Variants in TMEM74 observed in about 807,000 individuals in gnomAD.
TMEM74 encodes transmembrane protein 74.
TMEM74 carries 13 observed loss-of-function variants against 18.1 expected under a neutral mutation model. That is an observed-to-expected ratio of 0.72 (90% CI 0.47 to 1.14). TMEM74 has a LOEUF of 1.14. Among genes scored for constraint, TMEM74 ranks in the 50% most tolerant of loss-of-function variants. TMEM74 has a pLI of 0.00. For synonymous variants in TMEM74, 159 were observed against 146.6 expected (o/e 1.08, Z -0.61); for missense variants, 372 against 375.9 (o/e 0.99, Z 0.09).
At chr8:108,704,893 C>T (rs1586267484) in intron 1 of TMEM74, among the ~76,000 whole-genome samples, 2 of 152,170 alleles carry the variant, frequency 1.3e-5, no homozygotes, top group East Asian at 3.8e-4. Flanking sequence ...TTCTAACATG[C>T]CTGTTCCATG....
At chr8:108,659,961 G>A (rs1812884013) in intron 1 of TMEM74, among the ~76,000 whole-genome samples, 1 of 152,140 alleles carries the variant, frequency 6.6e-6, no homozygotes, top group Non-Finnish European at 1.5e-5. Flanking sequence ...ATGCTACCCA[G>A]AGCTCCTGAG....
chr8:108,692,637 T>C (rs780997010), intron 1 of TMEM74, among the ~76,000 whole-genome samples: 14 of 152,136 alleles, frequency 9.2e-5, no homozygotes, highest in Non-Finnish European at 1.3e-4. Flanking sequence ...AGAATATCAA[T>C]AGTACTCTGA....
chr8:108,696,489 T>A (rs948990805), intron 1 of TMEM74, among the ~76,000 whole-genome samples: 33 of 152,256 alleles, frequency 2.2e-4, no homozygotes, highest in African/African-American at 7.7e-4. Context: ...ACTGAGTGCC[T>A]GCTAGGTGTG....
At chr8:108,774,010 A>G (rs1472605816), downstream of TMEM74, among the ~76,000 whole-genome samples, 2 of 152,192 alleles carry the variant, frequency 1.3e-5, no homozygotes, top group Non-Finnish European at 2.9e-5. Context: ...TATACACGAA[A>G]TGTGATCTAA....
At chr8:108,744,387 G>A (rs897538468) in intron 1 of TMEM74, among the ~76,000 whole-genome samples, 5 of 152,112 alleles carry the variant, frequency 3.3e-5, no homozygotes, top group African/African-American at 7.2e-5. Flanking sequence ...GGGTGCCTCC[G>A]GGAAAAACAC....
At chr8:108,611,366 A>G (rs1002956741) in intron 2 of TMEM74, among the ~76,000 whole-genome samples, 2 of 152,226 alleles carry the variant, frequency 1.3e-5, no homozygotes, top group Admixed American at 6.5e-5. Context: ...CTAGGGTACA[A>G]GAAGATACAA....
intron 2 of TMEM74, among the ~76,000 whole-genome samples, chr8:108,647,087 G>A (rs1022522705): frequency 6.6e-6 from 1 of 152,094 alleles, no homozygotes; most frequent in Admixed American, 6.6e-5. Context: ...GGAGTGGTCT[G>A]CTTACTCATG....
intron 1 of TMEM74, among the ~76,000 whole-genome samples, chr8:108,683,462 A>T (rs1310698121): frequency 3.3e-5 from 5 of 151,874 alleles, no homozygotes. Flanking sequence ...AAGTGTAAGA[A>T]TGATGTAGCA....
intron 2 of TMEM74, chr8:108,653,082 A>T (rs550173283): frequency 3.4e-5 from 6 of 174,514 alleles, no homozygotes; most frequent in Middle Eastern, 6.0e-4. Flanking sequence ...GGATGAAAGC[A>T]TTCAGAAGAA....
chr8:108,653,015 A>T (rs1379103167), intron 2 of TMEM74: 1 of 207,000 alleles, frequency 4.8e-6, no homozygotes, highest in Non-Finnish European at 1.0e-5. Flanking sequence ...CTCCTAACTT[A>T]GAATACACTC....
At chr8:108,728,068 G>A (rs928231501) in intron 1 of TMEM74, among the ~76,000 whole-genome samples, 5 of 152,182 alleles carry the variant, frequency 3.3e-5, no homozygotes, top group African/African-American at 4.8e-5. Flanking sequence ...GTCAACTCCC[G>A]ATGAAATGTG....
chr8:108,662,334 G>A (rs577746481), intron 1 of TMEM74, among the ~76,000 whole-genome samples: 1 of 152,098 alleles, frequency 6.6e-6, no homozygotes, highest in South Asian at 2.1e-4. Context: ...TAGGCAGTGA[G>A]GGAACAAACA....
chr8:108,708,086 C>T lies in TMEM74; in HGVS notation n.120-52649G>A, dbSNP rs541643293. Among the ~76,000 whole-genome samples, 6 of 152,194 alleles carry T rather than the reference C, an allele frequency of 3.9e-5. No individual in the cohort carries two copies. The South Asian group carries it at 8.3e-4, about 21-fold the overall frequency. On this transcript the variant is annotated intron_variant and non_coding_transcript_variant, in intron 1 of 3. Coordinates refer to the TMEM74 transcript ENST00000518838. Reference sequence around the variant, plus strand: ...GTTCTCTTCTTTGTGTCCATGAGTACCCAATGTTTAGCTCCCACTTACAAG... The same window carrying T: ...GTTCTCTTCTTTGTGTCCATGAGTATCCAATGTTTAGCTCCCACTTACAAG...
Position 108,730,121 on chromosome 8 carries a change from G to C in TMEM74, n.119+57355C>G, listed in dbSNP as rs796937878. ...TTTGACTAAAAAGGAAAACATTTCAGGGTTGGCATGAGCCTGCTAGTCTTT... is the reference window on the plus strand; with the variant it reads ...TTTGACTAAAAAGGAAAACATTTCACGGTTGGCATGAGCCTGCTAGTCTTT... On this transcript the variant is annotated intron_variant and non_coding_transcript_variant, in intron 1 of 3. Coordinates refer to the TMEM74 transcript ENST00000518838. Among the ~76,000 whole-genome samples, 3 of 152,314 alleles carry C rather than the reference G, an allele frequency of 2.0e-5. 1 individual carries two copies. Among genetic ancestry groups the C allele is most frequent in the African/African-American group, 7.2e-5 (3 of 41,566 alleles).
chr8:108,730,123 G>T (rs1813679072), intron 1 of TMEM74, among the ~76,000 whole-genome samples: 1 of 152,176 alleles, frequency 6.6e-6, no homozygotes, highest in Non-Finnish European at 1.5e-5. Context: ...ACATTTCAGG[G>T]TTGGCATGAG....
At chr8:108,708,138 G>C (rs1247328455) in intron 1 of TMEM74, among the ~76,000 whole-genome samples, 3 of 152,044 alleles carry the variant, frequency 2.0e-5, no homozygotes, top group East Asian at 1.9e-4. Context: ...TTGGTTTTCT[G>C]TTCCTGTGTT....
At chr8:108,642,107 T>C (rs900009497) in intron 2 of TMEM74, among the ~76,000 whole-genome samples, 3 of 152,088 alleles carry the variant, frequency 2.0e-5, no homozygotes, top group Non-Finnish European at 2.9e-5. Flanking sequence ...TAGGAAAATA[T>C]ATGTGTTCAG....
intron 2 of TMEM74, among the ~76,000 whole-genome samples, chr8:108,639,141 C>T (rs1287107393): frequency 6.6e-6 from 1 of 152,120 alleles, no homozygotes; most frequent in African/African-American, 2.4e-5. Flanking sequence ...TGAGATCAGC[C>T]AAGCCCAGCC....
chr8:108,694,783 C>G (rs932813105), intron 1 of TMEM74, among the ~76,000 whole-genome samples: 2 of 152,144 alleles, frequency 1.3e-5, no homozygotes, highest in African/African-American at 2.4e-5. Context: ...AGAGGAGAAA[C>G]AGTGTATGTG....
Sources: gnomAD v4.1 joint callset for allele counts (sites outside exome capture counted in the v4.1 genomes callset) on GRCh38, gnomAD v4.1.1 for gene constraint, MANE v1.5 for transcripts, NCBI Gene and HGNC (gene_info 2026-07-23, HGNC 2026-07-21) for gene names.